Variants in LRP5 observed in about 807,000 individuals in gnomAD.
LRP5 encodes the protein LDL receptor related protein 5.
A neutral mutation model predicts 154.1 loss-of-function variants in LRP5; 62 were observed. That is an observed-to-expected ratio of 0.40 (90% CI 0.33 to 0.50). The LOEUF (loss-of-function observed/expected upper bound fraction) is 0.50, where lower values mean the gene tolerates loss of function less well. Among genes scored for constraint, LRP5 ranks in the 20% least tolerant of loss-of-function variants. The pLI, the probability that LRP5 is intolerant of heterozygous loss-of-function variation, is 0.55. For missense variants in LRP5, 1,915 were observed against 2,336.7 expected (o/e 0.82, Z 3.72); for synonymous variants, 966 against 1,011.5 (o/e 0.96, Z 0.85).
intron 2 of LRP5, among the ~76,000 whole-genome samples, chr11:68,356,650 G>C (rs753358317): frequency 6.6e-6 from 1 of 152,120 alleles, no homozygotes; most frequent in Non-Finnish European, 1.5e-5. Flanking sequence ...TTTACACGAG[G>C]GTTCGCCCTT....
chr11:68,357,696 GC>G lies in LRP5; in HGVS notation c.536del (p.Ala179GlufsTer22). 1 of 1,614,182 alleles carries G rather than the reference GC, an allele frequency of 6.2e-7. No individual in the cohort carries two copies. On this transcript the variant is annotated frameshift_variant, in exon 3 of 23. Transcript: ENST00000294304. LOFTEE classifies it high-confidence loss of function. ...GGGTGAGACGCCCCGGATTGAGCGGGCAGGGATGGATGGCAGCACCCGGAAG... is the reference window on the plus strand; with the variant it reads ...GGGTGAGACGCCCCGGATTGAGCGGGAGGGATGGATGGCAGCACCCGGAAG... ...DWGETPRIER[A>X]GMDGSTRKII... is the part of the protein sequence containing the mutation.
At chr11:68,309,553 G>C (rs2098586457), upstream of LRP5, among the ~76,000 whole-genome samples, 1 of 150,952 alleles carries the variant, frequency 6.6e-6, no homozygotes, top group Admixed American at 6.6e-5. Flanking sequence ...TTCCTCTCTG[G>C]GAGTCTCTGG....
chr11:68,362,306 G>T (rs1464548825), intron 3 of LRP5, among the ~76,000 whole-genome samples: 1 of 152,224 alleles, frequency 6.6e-6, no homozygotes, highest in Non-Finnish European at 1.5e-5. Context: ...TTGCCTGTGG[G>T]GCAATGGAAG....
At chr11:68,324,714 C>G (rs1477317999) in intron 1 of LRP5, among the ~76,000 whole-genome samples, 1 of 152,260 alleles carries the variant, frequency 6.6e-6, no homozygotes, top group Non-Finnish European at 1.5e-5. Flanking sequence ...TGCCCACTGG[C>G]AGAGCAGAGG....
Position 68,388,430 on chromosome 11 carries a change from G to A in LRP5, c.1413-1451G>A, listed in dbSNP as rs552057981. 2.6e-5 allele frequency among the ~76,000 whole-genome samples: 4 copies of A among 152,244 alleles called. No individual in the cohort carries two copies. The South Asian group carries it at 8.3e-4, about 32-fold the overall frequency. ...GGACATGGGCTTGGCAGTCTGACCT[G>A]TGAGGTCGTGGGGTCCAGGGAGGGG... On this transcript the variant is annotated intron_variant, in intron 6 of 22. Transcript: ENST00000294304.
intron 13 of LRP5, among the ~76,000 whole-genome samples, chr11:68,421,729 GT>G: frequency 6.8e-6 from 1 of 146,528 alleles, no homozygotes; most frequent in Non-Finnish European, 1.5e-5. Flanking sequence ...TGTGTGGTGT[GT>G]GTGTGGTGTG....
At chr11:68,442,053 C>T (rs2098678477) in intron 21 of LRP5, among the ~76,000 whole-genome samples, 2 of 152,210 alleles carry the variant, frequency 1.3e-5, no homozygotes, top group East Asian at 1.9e-4. Flanking sequence ...TCTTCTATGT[C>T]CCCCCAGGGG....
At chr11:68,307,674 C>G (rs141149861), upstream of LRP5, among the ~76,000 whole-genome samples, 499 of 151,414 alleles carry the variant, frequency 3.3e-3, 4 homozygotes, top group Middle Eastern at 0.01. Context: ...AAAAATTATC[C>G]AGGTGCGGTG....
chr11:68,396,263 A>C (rs773634544), intron 7 of LRP5, among the ~76,000 whole-genome samples: 2 of 152,116 alleles, frequency 1.3e-5, no homozygotes, highest in Admixed American at 6.5e-5. Context: ...TTAAGATGCT[A>C]TGTCGGGAGG....
chr11:68,354,142 A>G (rs1238634085), intron 2 of LRP5, among the ~76,000 whole-genome samples: 1 of 152,224 alleles, frequency 6.6e-6, no homozygotes, highest in East Asian at 1.9e-4. Context: ...GCCCTTCCCT[A>G]AAATAACACA....
chr11:68,440,557 C>T (rs769919310), intron 21 of LRP5, among the ~76,000 whole-genome samples: 55 of 152,254 alleles, frequency 3.6e-4, no homozygotes, highest in Middle Eastern at 6.8e-3. Context: ...AGCTTGGTGC[C>T]GAGATGTGAA....
chr11:68,335,803 A>G (rs1414095314), intron 1 of LRP5, among the ~76,000 whole-genome samples: 1 of 152,158 alleles, frequency 6.6e-6, no homozygotes, highest in Non-Finnish European at 1.5e-5. Flanking sequence ...AGACCGAGAG[A>G]AGGACACTTG....
the LRP5 span, among the ~76,000 whole-genome samples, chr11:68,298,626 C>T: frequency 6.6e-6 from 1 of 152,174 alleles, no homozygotes; most frequent in African/African-American, 2.4e-5. Context: ...CAGTGCCAGG[C>T]CCAGCTATCC....
intron 1 of LRP5, among the ~76,000 whole-genome samples, chr11:68,318,928 A>G (rs1201461250): frequency 1.3e-5 from 2 of 152,078 alleles, no homozygotes; most frequent in African/African-American, 2.4e-5. Flanking sequence ...GCTGATTCCA[A>G]TCTCTATGGT....
chr11:68,341,059 C>CCT (rs1555071026), intron 1 of LRP5, among the ~76,000 whole-genome samples: 13 of 83,494 alleles, frequency 1.6e-4, no homozygotes, highest in Admixed American at 3.2e-4. Flanking sequence ...GGAGATTGTT[C>CCT]TTTTTTTTTT....
rs919365311 is a variant in LRP5 at position 68,374,874 on chromosome 11, G to A, written c.1015+9172G>A. 4.6e-5 allele frequency among the ~76,000 whole-genome samples: 7 copies of A among 152,336 alleles called. No individual in the cohort carries two copies. The South Asian group carries it at 6.2e-4, about 14-fold the overall frequency. On this transcript the variant is annotated intron_variant, in intron 5 of 22. Transcript: ENST00000294304. ...AGAACGCTGTCACCGTGGAGCGGGG[G>A]CACAGGGGGAATGGCATCTCTGGGA...
At chr11:68,362,476 G>C (rs945638551) in intron 3 of LRP5, among the ~76,000 whole-genome samples, 1 of 152,112 alleles carries the variant, frequency 6.6e-6, no homozygotes, top group African/African-American at 2.4e-5. Context: ...TGAGCTCAGG[G>C]CTTCAAGACC....
intron 3 of LRP5, among the ~76,000 whole-genome samples, chr11:68,360,016 T>C (rs2098626422): frequency 6.6e-6 from 1 of 152,120 alleles, no homozygotes; most frequent in Non-Finnish European, 1.5e-5. Flanking sequence ...CTTGAACTCC[T>C]GATCACAAGT....
At chr11:68,432,246 G>A (rs1361453853) in intron 17 of LRP5, among the ~76,000 whole-genome samples, 1 of 152,200 alleles carries the variant, frequency 6.6e-6, no homozygotes, top group South Asian at 2.1e-4. Flanking sequence ...AGGCTGCTCG[G>A]TTTCACAACT....
Sources: gnomAD v4.1 joint callset for allele counts (sites outside exome capture counted in the v4.1 genomes callset) on GRCh38, gnomAD v4.1.1 for gene constraint, MANE v1.5 for transcripts, NCBI Gene and HGNC (gene_info 2026-07-23, HGNC 2026-07-21) for gene names.